MDN1: variants seen among roughly 807,000 people sequenced by gnomAD.
The protein encoded by MDN1 is midasin AAA ATPase 1.
MDN1 carries 266 observed loss-of-function variants against 669.2 expected under a neutral mutation model. That is an observed-to-expected ratio of 0.40 (90% CI 0.36 to 0.44). The LOEUF is 0.44. MDN1 is among the 20% of genes least tolerant of loss of function. MDN1 has a pLI of 1.00. For missense variants in MDN1, 5,940 were observed against 6,754.0 expected (o/e 0.88, Z 4.22); for synonymous variants, 2,385 against 2,457.1 (o/e 0.97, Z 0.87).
intron 73 of MDN1, among the ~76,000 whole-genome samples, chr6:89,681,001 C>T (rs966556613): frequency 2.6e-5 from 4 of 152,146 alleles, no homozygotes; most frequent in African/African-American, 7.2e-5. Flanking sequence ...CTATGATAGC[C>T]ACAAGGAGAC....
intron 84 of MDN1, among the ~76,000 whole-genome samples, chr6:89,666,893 G>A (rs1810290251): frequency 6.6e-6 from 1 of 152,170 alleles, no homozygotes; most frequent in African/African-American, 2.4e-5. Flanking sequence ...CCATTGTTCT[G>A]CATGGATGGT....
intron 17 of MDN1, among the ~76,000 whole-genome samples, chr6:89,759,860 T>C (rs149411842): frequency 6.6e-6 from 1 of 151,064 alleles, no homozygotes; most frequent in Non-Finnish European, 1.5e-5. Context: ...TCACCTGAGG[T>C]CAGGAGTTCA....
intron 1 of MDN1, among the ~76,000 whole-genome samples, chr6:89,804,959 C>G (rs1175984120): frequency 7.0e-6 from 1 of 142,010 alleles, no homozygotes; most frequent in Non-Finnish European, 1.5e-5. Context: ...TGGTGTGAAC[C>G]CCGGGAGGCG....
In MDN1 at chr6:89,643,283, A is replaced by C. The variant is rs961903728; in HGVS notation, c.*722T>G. Reference sequence around the variant, plus strand: ...CAACAGGGACCATGGCACTGAATGAAATAAAGGGGCAATCACCTTCCCATC... The same window carrying C: ...CAACAGGGACCATGGCACTGAATGACATAAAGGGGCAATCACCTTCCCATC... On this transcript the variant is annotated 3_prime_UTR_variant, in exon 102 of 102. Transcript: ENST00000369393. 6.6e-6 allele frequency: 1 copy of C among 152,230 alleles called. No homozygotes were observed. The highest frequency in any genetic ancestry group is 1.5e-5 in the Non-Finnish European group (1 of 68,026). 9.4% of individuals were successfully genotyped at this position (152,230 alleles called of 1,614,324 possible).
At chr6:89,652,574 T>A (rs1562035447) in intron 94 of MDN1, among the ~76,000 whole-genome samples, 2 of 152,250 alleles carry the variant, frequency 1.3e-5, no homozygotes, top group Non-Finnish European at 2.9e-5. Context: ...TGTTATCTGA[T>A]TAATCAAATA....
At chr6:89,781,371 GA>G (rs1314958044) in intron 10 of MDN1, 27 bp downstream of exon 10, 2 of 1,600,082 alleles carry the variant, frequency 1.2e-6, no homozygotes, top group Non-Finnish European at 1.7e-6. Context: ...AAGAAAGAAA[GA>G]AAAGAAAAAA....
intron 73 of MDN1, among the ~76,000 whole-genome samples, chr6:89,682,727 A>C (rs1401353348): frequency 2.0e-4 from 23 of 115,072 alleles, no homozygotes; most frequent in Middle Eastern, 4.4e-3. Flanking sequence ...AAAAAAAAAA[A>C]CTAAAAGTTC....
At chr6:89,785,460 T>C (rs184656699) in intron 8 of MDN1, among the ~76,000 whole-genome samples, 9 of 152,332 alleles carry the variant, frequency 5.9e-5, no homozygotes, top group Non-Finnish European at 5.9e-5. Flanking sequence ...AGAGAAAGCA[T>C]AATCCAAGGC....
rs532009405 is a variant in MDN1 at position 89,759,646 on chromosome 6, C to A, written c.2461-686G>T. Among the ~76,000 whole-genome samples the A allele has an allele frequency of 2.6e-5, 4 of 152,098 alleles. No individual in the cohort carries two copies. The East Asian group carries it at 7.7e-4, about 29-fold the overall frequency. On this transcript the variant is annotated intron_variant, in intron 17 of 101. Coordinates refer to ENST00000369393, the MANE Select transcript of MDN1 (RefSeq NM_014611.3). ...GGGCGTGGTGGCACGCACCCTTAAT[C>A]CCAGCTACTCAGGAGGCTGAGGCAG... is the stretch of plus-strand genomic sequence containing the variant.
At chr6:89,740,886 A>T (rs1404052094) in intron 31 of MDN1, among the ~76,000 whole-genome samples, 2 of 152,224 alleles carry the variant, frequency 1.3e-5, no homozygotes, top group South Asian at 2.1e-4. Context: ...ATTAATCAGA[A>T]ATTTAGTGTA....
chr6:89,710,869 T>C (rs1391068238), intron 49 of MDN1, 75 bp from the exon 50 acceptor site: 1 of 835,360 alleles, frequency 1.2e-6, no homozygotes, highest in Non-Finnish European at 1.9e-6. Context: ...GTGATGAAAA[T>C]GTTCTACAGC....
intron 32 of MDN1, among the ~76,000 whole-genome samples, chr6:89,739,794 A>C (rs1194617880): frequency 6.6e-6 from 1 of 152,236 alleles, no homozygotes; most frequent in African/African-American, 2.4e-5. Context: ...AAACCAGAAG[A>C]GGGTTCCTGG....
Position 89,655,966 on chromosome 6 carries a change from ACT to A in MDN1, c.15286_15287del (p.Ser5096PhefsTer2). ...CAGCCTGCCCAGGTTTCCTCTTAAA[ACT>A]CTGAGAAATACAAGGAAATTCATCA... is the stretch of plus-strand genomic sequence containing the variant. Reference protein sequence around the residue: ...SQKHTRKNTQSFKRKPGQADN... With the variant: ...SQKHTRKNTQXFKRKPGQADN... On this transcript the variant is annotated frameshift_variant and splice_region_variant, in exon 92 of 102. Transcript: ENST00000369393. LOFTEE classifies it high-confidence loss of function. 6.2e-7 allele frequency: 1 copy of A among 1,612,776 alleles called. No individual in the cohort carries two copies. Among genetic ancestry groups the A allele is most frequent in the Non-Finnish European group, 8.5e-7 (1 of 1,179,720 alleles).
chr6:89,781,709 A>C, intron 9 of MDN1, 117 bp from the exon 10 acceptor site: 1 of 844,036 alleles, frequency 1.2e-6, no homozygotes, highest in Non-Finnish European at 1.8e-6. Context: ...AAATTTGTTC[A>C]CTGGGGGACG....
At chr6:89,649,671 T>C (rs1325328828) in intron 97 of MDN1, among the ~76,000 whole-genome samples, 1 of 151,906 alleles carries the variant, frequency 6.6e-6, no homozygotes, top group East Asian at 1.9e-4. Flanking sequence ...TTTTTAAGAG[T>C]ACACTGTTGC....
Position 89,695,083 on chromosome 6 carries a change from A to C in MDN1, c.9771+522T>G, listed in dbSNP as rs1245890819. Among the ~76,000 whole-genome samples, 1 of 152,106 alleles carries C rather than the reference A, an allele frequency of 6.6e-6. No individual in the cohort carries two copies. Among genetic ancestry groups the C allele is most frequent in the Admixed American group, 6.6e-5 (1 of 15,262 alleles). ...CCCTGTCTCTACTAAAAATACAAAAATTAGCCAGGCGTGGTAGCGGGTTCC... is the reference window on the plus strand; with the variant it reads ...CCCTGTCTCTACTAAAAATACAAAACTTAGCCAGGCGTGGTAGCGGGTTCC... On this transcript the variant is annotated intron_variant, in intron 61 of 101. Transcript: ENST00000369393. The surrounding 1 kb of genome is among the most constrained non-coding windows in gnomAD (Gnocchi z 4.1).
chr6:89,751,121 T>C (rs879457830), intron 23 of MDN1, among the ~76,000 whole-genome samples: 4 of 152,164 alleles, frequency 2.6e-5, no homozygotes, highest in Admixed American at 2.0e-4. Context: ...CTGGCAACAT[T>C]TGTAAGAAAC....
At chr6:89,654,684 C>G (rs1809119551) in intron 92 of MDN1, among the ~76,000 whole-genome samples, 1 of 152,038 alleles carries the variant, frequency 6.6e-6, no homozygotes, top group African/African-American at 2.4e-5. Context: ...TAGGGTGACT[C>G]TAACAATAAT....
chr6:89,757,928 G>A (rs1817333608), intron 19 of MDN1, among the ~76,000 whole-genome samples: 1 of 152,070 alleles, frequency 6.6e-6, no homozygotes, highest in Non-Finnish European at 1.5e-5. Flanking sequence ...TGCACCTGTA[G>A]TCCCAGCTAC....
Sources: allele counts gnomAD v4.1 joint callset (sites outside exome capture counted in the v4.1 genomes callset), GRCh38; gene constraint gnomAD v4.1.1; non-coding constraint Gnocchi (gnomAD v3.1); transcripts MANE v1.5; gene names NCBI Gene and HGNC (gene_info 2026-07-23, HGNC 2026-07-21).